SPPL3: variants seen among roughly 807,000 people sequenced by gnomAD.
The protein encoded by SPPL3 is signal peptide peptidase-like 3.
In SPPL3, 5 loss-of-function variants were observed where a neutral mutation model predicts 42.4. The ratio of observed to expected loss-of-function variants is 0.12; its 90% CI spans 0.06 to 0.25. SPPL3 has a LOEUF of 0.25. Among genes scored for constraint, SPPL3 ranks in the 10% least tolerant of loss-of-function variants. The probability of loss-of-function intolerance (pLI) is 1.00; values close to 1 mark genes in which losing one functional copy is unlikely to be tolerated. For missense variants in SPPL3, 235 were observed against 489.0 expected (o/e 0.48, Z 4.90); for synonymous variants, 195 against 181.8 (o/e 1.07, Z -0.58).
At chr12:120,876,808 T>TACACACAC (rs71076677) in intron 1 of SPPL3, among the ~76,000 whole-genome samples, 215 of 146,684 alleles carry the variant, frequency 1.5e-3, no homozygotes, top group African/African-American at 3.7e-3. Flanking sequence ...GAGAAACACA[T>TACACACAC]ACACACACAC....
chr12:120,884,977 T>C (rs1032742602), intron 1 of SPPL3, among the ~76,000 whole-genome samples: 2 of 152,130 alleles, frequency 1.3e-5, no homozygotes, highest in African/African-American at 4.8e-5. Context: ...CATTATTTAG[T>C]GTAAGTAAGG....
At chr12:120,773,005 G>T (rs1342529404) in intron 6 of SPPL3, among the ~76,000 whole-genome samples, 1 of 152,086 alleles carries the variant, frequency 6.6e-6, no homozygotes, top group Non-Finnish European at 1.5e-5. Context: ...CAACCAACCT[G>T]GTAAAATGTA....
At chr12:120,894,809 C>A (rs759607123) in intron 1 of SPPL3, among the ~76,000 whole-genome samples, 3 of 151,858 alleles carry the variant, frequency 2.0e-5, no homozygotes, top group Admixed American at 1.3e-4. Context: ...TAGCTGGGTG[C>A]GGTGGCGCAT....
At position 120,763,114 on chromosome 12, in the gene SPPL3, CAG is replaced by C. The variant is rs1413332955; in HGVS notation, c.*1883_*1884del. On this transcript the variant is annotated 3_prime_UTR_variant, in exon 11 of 11. Coordinates refer to ENST00000353487, the MANE Select transcript of SPPL3 (RefSeq NM_139015.5). ...TGTATCTATGACTGGGCCAGAGCTG[CAG>C]ATGACCAGGTCTGGGGACAGACAGA... is the stretch of plus-strand genomic sequence containing the variant. 2 of 152,222 alleles carry C rather than the reference CAG, an allele frequency of 1.3e-5. No homozygotes were observed. Among genetic ancestry groups the C allele is most frequent in the Admixed American group, 6.5e-5 (1 of 15,274 alleles). The allele number at this position is 152,222 out of a possible 1,614,324, so 9.4% of individuals were successfully genotyped here.
chr12:120,793,647 G>A (rs531428486), intron 2 of SPPL3, among the ~76,000 whole-genome samples: 124 of 152,320 alleles, frequency 8.1e-4, no homozygotes, highest in African/African-American at 2.9e-3. Flanking sequence ...TTGGAAAACA[G>A]AATCTAACCA....
intron 6 of SPPL3, among the ~76,000 whole-genome samples, chr12:120,778,963 T>C (rs1869429151): frequency 6.6e-6 from 1 of 152,104 alleles, no homozygotes; most frequent in Admixed American, 6.6e-5. Context: ...ATTCATATAT[T>C]TGATGCAAAT....
intron 1 of SPPL3, among the ~76,000 whole-genome samples, chr12:120,813,475 C>A (rs556533906): frequency 4.6e-5 from 7 of 151,864 alleles, no homozygotes; most frequent in African/African-American, 1.7e-4. Context: ...CCCCCCACCA[C>A]GCCCAGCTAA....
chr12:120,859,812 G>A (rs1272164621), intron 1 of SPPL3, among the ~76,000 whole-genome samples: 5 of 152,222 alleles, frequency 3.3e-5, no homozygotes, highest in East Asian at 1.9e-4. Flanking sequence ...GGATGGTGGT[G>A]CGCACCTGTA....
At chr12:120,778,821 G>GT (rs1387690297) in intron 6 of SPPL3, among the ~76,000 whole-genome samples, 5 of 152,086 alleles carry the variant, frequency 3.3e-5, no homozygotes, top group Non-Finnish European at 7.4e-5. Flanking sequence ...AGAAGGACAA[G>GT]TTTTTTGTTT....
chr12:120,896,180 C>G (rs999522702), intron 1 of SPPL3, among the ~76,000 whole-genome samples: 11 of 152,144 alleles, frequency 7.2e-5, no homozygotes, highest in Non-Finnish European at 7.4e-5. Context: ...TAGGCTAAGG[C>G]ATACTCCTTA....
chr12:120,789,159 G>A (rs12366451), intron 3 of SPPL3, among the ~76,000 whole-genome samples: 5,477 of 152,270 alleles, frequency 0.036, 116 homozygotes, highest in South Asian at 0.067. Flanking sequence ...GCAGAGTTAA[G>A]AAAGACCATT....
chr12:120,888,790 G>T (rs1415922421), intron 1 of SPPL3, among the ~76,000 whole-genome samples: 2 of 152,124 alleles, frequency 1.3e-5, no homozygotes, highest in Non-Finnish European at 2.9e-5. Flanking sequence ...TGACTGAATT[G>T]TACAGTATGT....
chr12:120,890,487 G>T (rs1873599995), intron 1 of SPPL3, among the ~76,000 whole-genome samples: 1 of 151,142 alleles, frequency 6.6e-6, no homozygotes, highest in Non-Finnish European at 1.5e-5. Context: ...TACTCGGGAG[G>T]CTGAGGCAGG....
chr12:120,875,101 A>G (rs2137052477), intron 1 of SPPL3, among the ~76,000 whole-genome samples: 1 of 152,298 alleles, frequency 6.6e-6, no homozygotes, highest in Admixed American at 6.5e-5. Context: ...CCCAGCTTTG[A>G]GCTGCCTCAG....
chr12:120,845,962 A>G (rs887050702), intron 1 of SPPL3, among the ~76,000 whole-genome samples: 5 of 151,682 alleles, frequency 3.3e-5, no homozygotes, highest in Non-Finnish European at 5.9e-5. Flanking sequence ...CGGTGGTGCA[A>G]TCTTGCTCAC....
chr12:120,767,781 G>T (rs1157795200), intron 8 of SPPL3, among the ~76,000 whole-genome samples, 188 bp from the exon 9 acceptor site: 1 of 152,204 alleles, frequency 6.6e-6, no homozygotes, highest in Non-Finnish European at 1.5e-5. Context: ...TGGCACTAGA[G>T]GTCTCCACCT....
At chr12:120,768,660 C>T (rs570452767) in intron 7 of SPPL3, 172 bp from the exon 8 acceptor site, 75 of 767,786 alleles carry the variant, frequency 9.8e-5, no homozygotes, top group East Asian at 7.0e-4. Context: ...CCAATTTCTG[C>T]ACTCTCCACA....
At chr12:120,783,828 CA>C (rs1869623708) in intron 4 of SPPL3, 76 bp from the exon 5 acceptor site, 2 of 1,231,728 alleles carry the variant, frequency 1.6e-6, no homozygotes, top group Non-Finnish European at 2.3e-6. Context: ...TTCATTCCGC[CA>C]AACACTAGAC....
At position 120,767,388 on chromosome 12, in the gene SPPL3, T is replaced by A; in HGVS notation, c.973+6A>T. On this transcript the variant is annotated splice_donor_region_variant and intron_variant, in intron 9 of 10. Transcript: ENST00000353487. ...GGATCATCTGCAGTCTCTCTGGTTC[T>A]CTTACCTACAAAGTATCCGATGAGG... 2 of 1,611,332 alleles carry A rather than the reference T, an allele frequency of 1.2e-6. No individual in the cohort carries two copies. The highest frequency in any genetic ancestry group is 1.7e-6 in the Non-Finnish European group (2 of 1,179,926).
Sources: gnomAD v4.1 joint callset for allele counts (sites outside exome capture counted in the v4.1 genomes callset) on GRCh38, gnomAD v4.1.1 for gene constraint, MANE v1.5 for transcripts, NCBI Gene and HGNC (gene_info 2026-07-23, HGNC 2026-07-21) for gene names.